Variants in TSPAN14 observed in about 807,000 individuals in gnomAD.
The protein encoded by TSPAN14 is tetraspanin-14.
In TSPAN14, 16 loss-of-function variants were observed where a neutral mutation model predicts 36.6. The observed-to-expected ratio is 0.44, with a 90% CI of 0.30 to 0.66. The LOEUF is 0.66. Among genes scored for constraint, TSPAN14 ranks in the 30% least tolerant of loss-of-function variants. The pLI is 0.12. For synonymous variants in TSPAN14, 139 were observed against 143.8 expected (o/e 0.97, Z 0.24); for missense variants, 231 against 355.1 (o/e 0.65, Z 2.81).
exon 9 of TSPAN14, chr10:80,520,755 A>G: frequency 1.9e-6 from 1 of 532,838 alleles, no homozygotes; most frequent in Non-Finnish European, 3.8e-6. Context: ...CCTTTGCACC[A>G]CCCACCATGC....
chr10:80,455,488 AGT>A (rs1182662386), intron 1 of TSPAN14, among the ~76,000 whole-genome samples: 1 of 152,102 alleles, frequency 6.6e-6, no homozygotes, highest in East Asian at 1.9e-4. Context: ...CTCTTGGGCT[AGT>A]GAGAGAGTGG....
At chr10:80,515,936 G>A (rs1406318018) in intron 7 of TSPAN14, 3 of 465,936 alleles carry the variant, frequency 6.4e-6, no homozygotes, top group African/African-American at 5.9e-5. Flanking sequence ...AGGGTATCTT[G>A]AGAAAGTTGG....
intron 1 of TSPAN14, among the ~76,000 whole-genome samples, chr10:80,472,783 A>T (rs1005660424): frequency 1.3e-5 from 2 of 152,178 alleles, no homozygotes; most frequent in African/African-American, 2.4e-5. Context: ...ATGAGTTAAA[A>T]TCCGTTGTTA....
At chr10:80,516,478 T>G (rs1053291983) in intron 8 of TSPAN14, among the ~76,000 whole-genome samples, 155 bp downstream of exon 8, 5 of 151,930 alleles carry the variant, frequency 3.3e-5, no homozygotes, top group African/African-American at 9.7e-5. Flanking sequence ...GCTGAGAGAG[T>G]GTATGCGTGT....
intron 1 of TSPAN14, among the ~76,000 whole-genome samples, chr10:80,461,099 T>A (rs77039130): frequency 6.6e-6 from 1 of 152,120 alleles, no homozygotes; most frequent in African/African-American, 2.4e-5. Context: ...ACCTTGTTCC[T>A]CCTCCATGAG....
chr10:80,508,178 T>G (rs1840403471), intron 4 of TSPAN14, among the ~76,000 whole-genome samples: 1 of 151,250 alleles, frequency 6.6e-6, no homozygotes, highest in South Asian at 2.1e-4. Flanking sequence ...TGCAGTGGCG[T>G]GATCTCGGCT....
At position 80,510,005 on chromosome 10, in the gene TSPAN14, G is replaced by A. The variant is rs150783833; in HGVS notation, c.450+534G>A. The A allele has an allele frequency of 2.3e-3, 356 of 157,218 alleles. 5 individuals are homozygous for A. The highest frequency in any genetic ancestry group is 9.0e-3 in the South Asian group (48 of 5,360). The allele number at this position is 157,218 out of a possible 1,614,324, so 9.7% of individuals were successfully genotyped here. A position where few individuals can be genotyped will look rare whatever the true frequency, so the allele number is the denominator to read the frequency against. Reference sequence around the variant, plus strand: ...TGACCTCCCTGGAATATGTGCCCAGGGGTTTGTCTAAGCAGTTCCAGGCTA... The same window carrying A: ...TGACCTCCCTGGAATATGTGCCCAGAGGTTTGTCTAAGCAGTTCCAGGCTA... On this transcript the variant is annotated intron_variant, in intron 5 of 8. Transcript: ENST00000429989.
intron 1 of TSPAN14, among the ~76,000 whole-genome samples, chr10:80,458,768 A>T (rs1845841798): frequency 6.6e-6 from 1 of 152,122 alleles, no homozygotes; most frequent in Non-Finnish European, 1.5e-5. Context: ...TTAATTGCGT[A>T]TGCTTTTGAT....
chr10:80,491,770 A>C (rs1404277435), intron 2 of TSPAN14, among the ~76,000 whole-genome samples: 1 of 152,144 alleles, frequency 6.6e-6, no homozygotes, highest in Non-Finnish European at 1.5e-5. Flanking sequence ...AAAGTTAATC[A>C]TTTTTCAGTT....
chr10:80,509,454 G>A lies in TSPAN14; in HGVS notation c.433G>A (p.Asp145Asn). ...CGATATCGATCTGCAAAACCTCATC[G>A]ACTCCCTTCAGAAAGCTGTAAGCAC... Residue 145 changes from aspartate to asparagine, a missense_variant, in exon 5 of 9, where the codon GAC becomes AAC. Asp to Asn is a conservative substitution (Grantham distance 23). Transcript: ENST00000429989. The surrounding 1 kb of genome is among the most constrained non-coding windows in gnomAD (Gnocchi z 4.7). 2 of 1,613,826 alleles carry A rather than the reference G, an allele frequency of 1.2e-6. No homozygotes were observed. Among genetic ancestry groups the A allele is most frequent in the Non-Finnish European group, 1.7e-6 (2 of 1,179,948 alleles).
chr10:80,489,211 C>T lies in TSPAN14; in HGVS notation c.-17-6C>T. On this transcript the variant is annotated splice_polypyrimidine_tract_variant and splice_region_variant and intron_variant, in intron 1 of 8. Coordinates refer to ENST00000429989, the Ensembl canonical transcript of TSPAN14. Reference sequence around the variant, plus strand: ...GCCATCTCACTAGTCACACATCTCTCCGCAGATTCTGCTTCTCAGAAGATG... The same window carrying T: ...GCCATCTCACTAGTCACACATCTCTTCGCAGATTCTGCTTCTCAGAAGATG... 1 of 1,557,354 alleles carries T rather than the reference C, an allele frequency of 6.4e-7. No homozygotes were observed. Among genetic ancestry groups the T allele is most frequent in the South Asian group, 1.2e-5 (1 of 84,938 alleles).
At chr10:80,516,183 C>A in intron 7 of TSPAN14, 21 bp from the exon 8 acceptor site, 3 of 1,614,176 alleles carry the variant, frequency 1.9e-6, no homozygotes, top group Non-Finnish European at 2.5e-6. Context: ...AGGCTCAGAC[C>A]CCTGTGGTGT....
chr10:80,463,911 C>T (rs962016803), intron 1 of TSPAN14, among the ~76,000 whole-genome samples: 2 of 152,254 alleles, frequency 1.3e-5, no homozygotes, highest in African/African-American at 4.8e-5. Context: ...TTGGTTCCCA[C>T]CCAAGTCCAT....
chr10:80,472,806 T>G (rs972307498), intron 1 of TSPAN14, among the ~76,000 whole-genome samples: 1 of 152,242 alleles, frequency 6.6e-6, no homozygotes, highest in African/African-American at 2.4e-5. Context: ...ATTGTTTATT[T>G]TGCCGCTCAG....
In TSPAN14 at chr10:80,509,284, G is replaced by A. The variant is rs373759938; in HGVS notation, c.280-17G>A. 90 of 1,610,536 alleles carry A rather than the reference G, an allele frequency of 5.6e-5. No individual in the cohort carries two copies. Among genetic ancestry groups the A allele is most frequent in the Middle Eastern group, 3.7e-4 (2 of 5,474 alleles). On this transcript the variant is annotated splice_polypyrimidine_tract_variant and intron_variant, in intron 4 of 8. Transcript: ENST00000429989. The surrounding 1 kb of genome is among the most constrained non-coding windows in gnomAD (Gnocchi z 4.7). Reference sequence around the variant, plus strand: ...TGGTGGGGTGGTGACTTCTGCTCCCGTCCCCTTCCCCTGCAGTTCTGTGGC... The same window carrying A: ...TGGTGGGGTGGTGACTTCTGCTCCCATCCCCTTCCCCTGCAGTTCTGTGGC...
exon 3 of TSPAN14, chr10:80,504,760 G>C: frequency 6.2e-7 from 1 of 1,614,212 alleles, no homozygotes; most frequent in Non-Finnish European, 8.5e-7. Context: ...GAGTCGGGCT[G>C]TGGGCATGGA....
intron 4 of TSPAN14, among the ~76,000 whole-genome samples, chr10:80,508,369 C>T (rs565473185): frequency 1.2e-4 from 19 of 152,280 alleles, no homozygotes; most frequent in East Asian, 1.2e-3. Context: ...CCTCTCGCCT[C>T]GGCCTCCCAA....
At chr10:80,460,310 A>G (rs989256396) in intron 1 of TSPAN14, among the ~76,000 whole-genome samples, 4 of 152,202 alleles carry the variant, frequency 2.6e-5, no homozygotes, top group African/African-American at 9.7e-5. Context: ...CCTGGGAGAT[A>G]GTACAGGATG....
chr10:80,491,328 G>C (rs190434481), intron 2 of TSPAN14, among the ~76,000 whole-genome samples: 10 of 152,254 alleles, frequency 6.6e-5, no homozygotes, highest in Admixed American at 4.6e-4. Flanking sequence ...ATTGTTCCCT[G>C]TCTGGAGAGC....
Sources: allele counts gnomAD v4.1 joint callset (sites outside exome capture counted in the v4.1 genomes callset), GRCh38; gene constraint gnomAD v4.1.1; non-coding constraint Gnocchi (gnomAD v3.1); transcripts MANE v1.5; gene names NCBI Gene and HGNC (gene_info 2026-07-23, HGNC 2026-07-21).